NAA60: variants seen among roughly 807,000 people sequenced by gnomAD.
NAA60 encodes N-alpha-acetyltransferase 60.
Under a neutral mutation model 26.1 loss-of-function variants are expected in NAA60, and 8 were observed. That is an observed-to-expected ratio of 0.31 (90% CI 0.18 to 0.55). The LOEUF (loss-of-function observed/expected upper bound fraction) is 0.55, where lower values mean the gene tolerates loss of function less well. Ranked by LOEUF, NAA60 falls within the 20% of genes least tolerant of loss-of-function variation. The pLI is 0.93. For synonymous variants in NAA60, 131 were observed against 122.5 expected (o/e 1.07, Z -0.46); for missense variants, 290 against 311.3 (o/e 0.93, Z 0.51).
At chr16:3,473,626 C>G (rs28469316) in intron 2 of NAA60, among the ~76,000 whole-genome samples, 12,188 of 152,144 alleles carry the variant, frequency 0.08, 664 homozygotes, top group South Asian at 0.17. Flanking sequence ...TCTCAAACTC[C>G]TGACCTCAAG....
chr16:3,463,923 T>C (rs1465604494), intron 2 of NAA60, among the ~76,000 whole-genome samples: 1 of 152,182 alleles, frequency 6.6e-6, no homozygotes, highest in Non-Finnish European at 1.5e-5. Context: ...CAACCCAAGG[T>C]TATTGCAAAA....
intron 4 of NAA60, among the ~76,000 whole-genome samples, chr16:3,480,503 A>G (rs902210834): frequency 5.9e-5 from 9 of 151,982 alleles, no homozygotes; most frequent in African/African-American, 1.9e-4. Flanking sequence ...AGGCTGAGGC[A>G]GGAGAATCGC....
intron 2 of NAA60, among the ~76,000 whole-genome samples, chr16:3,465,289 GAA>G (rs1264513191): frequency 6.7e-5 from 10 of 149,422 alleles, no homozygotes; most frequent in African/African-American, 1.7e-4. Context: ...AAAAAGAAAA[GAA>G]AAAAGGAAAC....
chr16:3,443,925 C>G, intron 1 of NAA60, 88 bp downstream of exon 1: 2 of 1,456,850 alleles, frequency 1.4e-6, no homozygotes, highest in Non-Finnish European at 1.8e-6. Context: ...CGGGCCTAGC[C>G]TGGGCTTGAG....
intron 2 of NAA60, among the ~76,000 whole-genome samples, chr16:3,465,224 G>GCA: frequency 6.7e-6 from 1 of 148,662 alleles, no homozygotes; most frequent in Non-Finnish European, 1.5e-5. Context: ...CCGAAATTTT[G>GCA]CCACTGCACT....
At chr16:3,468,521 T>G (rs11077340) in intron 2 of NAA60, among the ~76,000 whole-genome samples, 1 of 152,138 alleles carries the variant, frequency 6.6e-6, no homozygotes, top group African/African-American at 2.4e-5. Flanking sequence ...CTTGGTACCG[T>G]GTCCGGAGAG....
chr16:3,476,458 G>A (rs539125007), intron 3 of NAA60, 121 bp downstream of exon 3: 2 of 791,702 alleles, frequency 2.5e-6, no homozygotes, highest in Non-Finnish European at 4.0e-6. Flanking sequence ...GAATGGCCTG[G>A]AGGGGCCACA....
chr16:3,471,435 G>A (rs1046178814), intron 2 of NAA60, among the ~76,000 whole-genome samples: 11 of 152,028 alleles, frequency 7.2e-5, no homozygotes, highest in Non-Finnish European at 2.9e-5. Flanking sequence ...CCCGGGAGGC[G>A]GAGCTTGCAG....
intron 3 of NAA60, 67 bp downstream of exon 3, chr16:3,476,404 G>C (rs2036486658): frequency 7.4e-7 from 1 of 1,354,800 alleles, no homozygotes; most frequent in Non-Finnish European, 1.0e-6. Flanking sequence ...TGGGCGGCGG[G>C]GGTGGGGGCC....
intron 2 of NAA60, among the ~76,000 whole-genome samples, chr16:3,460,812 G>T (rs1014731292): frequency 6.6e-6 from 1 of 152,210 alleles, no homozygotes. Flanking sequence ...AAAGTCCTTT[G>T]TCTCTTTCTG....
chr16:3,445,006 C>T (rs577538521), intron 1 of NAA60, among the ~76,000 whole-genome samples: 2 of 152,286 alleles, frequency 1.3e-5, no homozygotes, highest in South Asian at 2.1e-4. Context: ...GTATCTGCCA[C>T]AAATGATATC....
At chr16:3,453,145 C>G (rs549978300) in intron 2 of NAA60, among the ~76,000 whole-genome samples, 1 of 152,138 alleles carries the variant, frequency 6.6e-6, no homozygotes, top group East Asian at 1.9e-4. Context: ...GCCTGTAATC[C>G]TAGCACTTTG....
At chr16:3,459,936 G>T (rs193229930) in intron 2 of NAA60, among the ~76,000 whole-genome samples, 1 of 152,366 alleles carries the variant, frequency 6.6e-6, no homozygotes, top group Non-Finnish European at 1.5e-5. Context: ...GTTCCTGGAT[G>T]TGAGGAGATT....
chr16:3,485,895 C>G lies in NAA60; in HGVS notation c.*635C>G, dbSNP rs1406540754. ...CTGAGGCTCAGCCCCCTGGCACAGG[C>G]GGTCACGCATCAGGACGGTTCCTAC... On this transcript the variant is annotated 3_prime_UTR_variant, in exon 8 of 8. Transcript: ENST00000407558. 1 of 354,162 alleles carries G rather than the reference C, an allele frequency of 2.8e-6. No individual in the cohort carries two copies. The highest frequency in any genetic ancestry group is 2.1e-5 in the African/African-American group (1 of 46,624). The allele number at this position is 354,162 out of a possible 1,614,324, so 21.9% of individuals were successfully genotyped here.
chr16:3,463,703 TAAAAAA>T, intron 2 of NAA60, among the ~76,000 whole-genome samples: 1 of 144,336 alleles, frequency 6.9e-6, no homozygotes, highest in Admixed American at 6.9e-5. Context: ...AGTCTCTACT[TAAAAAA>T]AAAAAAAAAA....
chr16:3,473,504 C>T (rs1028221941), intron 2 of NAA60, among the ~76,000 whole-genome samples: 1 of 152,196 alleles, frequency 6.6e-6, no homozygotes, highest in East Asian at 1.9e-4. Context: ...TTATCTCCCA[C>T]CAGGTCCCTC....
At chr16:3,443,990 T>C in intron 1 of NAA60, 153 bp downstream of exon 1, 1 of 1,342,992 alleles carries the variant, frequency 7.4e-7, no homozygotes, top group Non-Finnish European at 9.6e-7. Context: ...AGGAGTATCT[T>C]TGTGTACGTT....
intron 2 of NAA60, among the ~76,000 whole-genome samples, chr16:3,459,692 C>T (rs559968085): frequency 4.3e-4 from 66 of 152,290 alleles, no homozygotes; most frequent in African/African-American, 1.2e-3. Flanking sequence ...ATGGTTTACA[C>T]TGAAAGTAGC....
Position 3,485,625 on chromosome 16 carries a change from C to G in NAA60, c.*365C>G. The G allele has an allele frequency of 2.2e-6, 1 of 456,592 alleles. No homozygotes were observed. The highest frequency in any genetic ancestry group is 3.3e-4 in the Middle Eastern group (1 of 3,076). The allele number at this position is 456,592 out of a possible 1,614,324, so 28.3% of individuals were successfully genotyped here. A position where few individuals can be genotyped will look rare whatever the true frequency, so the allele number is the denominator to read the frequency against. On this transcript the variant is annotated 3_prime_UTR_variant, in exon 8 of 8. Coordinates refer to ENST00000407558, the MANE Select transcript of NAA60 (RefSeq NM_001083601.3). ...TCTCCCACTCCGCTGCCTGTTCTTGCAGCTCCTTCCTGGAAAGCTGGAGGG... is the reference window on the plus strand; with the variant it reads ...TCTCCCACTCCGCTGCCTGTTCTTGGAGCTCCTTCCTGGAAAGCTGGAGGG...
Sources: allele counts gnomAD v4.1 joint callset (sites outside exome capture counted in the v4.1 genomes callset), GRCh38; gene constraint gnomAD v4.1.1; transcripts MANE v1.5; gene names NCBI Gene and HGNC (gene_info 2026-07-23, HGNC 2026-07-21).